ADAMTS12: variants seen among roughly 807,000 people sequenced by gnomAD.
ADAMTS12 encodes ADAM metallopeptidase with thrombospondin type 1 motif 12.
Under a neutral mutation model 167.8 loss-of-function variants are expected in ADAMTS12, and 118 were observed. The ratio of observed to expected loss-of-function variants is 0.70; its 90% CI spans 0.61 to 0.82. The LOEUF (loss-of-function observed/expected upper bound fraction) is 0.82. Ranked by LOEUF, ADAMTS12 falls within the 40% of genes least tolerant of loss-of-function variation. The pLI, the probability that ADAMTS12 is intolerant of heterozygous loss-of-function variation, is 0.00. For synonymous variants in ADAMTS12, 704 were observed against 716.9 expected, an observed-to-expected ratio of 0.98 and a Z score of 0.29; for missense variants, 1,916 against 1,998.8, an observed-to-expected ratio of 0.96 and a Z score of 0.79.
chr5:33,584,038 T>C (rs1288831331), intron 18 of ADAMTS12, among the ~76,000 whole-genome samples: 1 of 152,220 alleles, frequency 6.6e-6, no homozygotes, highest in African/African-American at 2.4e-5. Flanking sequence ...TGAGATGCAG[T>C]ATGGCAAAGT....
chr5:33,835,939 CTCTCTCTCTCTCTCTGTGTGTGTG>C (rs778645531), intron 2 of ADAMTS12, among the ~76,000 whole-genome samples: 14 of 56,130 alleles, frequency 2.5e-4, no homozygotes, highest in Admixed American at 7.9e-4. Flanking sequence ...CTCTCTCTCT[CTCTCTCTCTCTCTCTGTGTGTGTG>C]TGTGTGTCCA....
intron 10 of ADAMTS12, among the ~76,000 whole-genome samples, chr5:33,643,019 G>A (rs532120462): frequency 5.9e-5 from 9 of 152,220 alleles, no homozygotes; most frequent in South Asian, 2.1e-4. Context: ...AAAAGAAGCC[G>A]CTGGCTTATC....
At chr5:33,751,152 T>C in intron 3 of ADAMTS12, 1 of 506,670 alleles carries the variant, frequency 2.0e-6, no homozygotes, top group Non-Finnish European at 3.4e-6. Flanking sequence ...GTGGCAAAGA[T>C]GCTTTTATTT....
chr5:33,760,980 T>G (rs1745336062), intron 2 of ADAMTS12, among the ~76,000 whole-genome samples: 1 of 150,700 alleles, frequency 6.6e-6, no homozygotes, highest in Non-Finnish European at 1.5e-5. Context: ...CACCAAAAAA[T>G]AAAATGTCCG....
At chr5:33,832,794 T>C (rs1449060680) in intron 2 of ADAMTS12, among the ~76,000 whole-genome samples, 1 of 152,132 alleles carries the variant, frequency 6.6e-6, no homozygotes, top group Non-Finnish European at 1.5e-5. Context: ...TATATCAGTA[T>C]AAATATAAGG....
chr5:33,702,700 T>C (rs1262198878), intron 3 of ADAMTS12, among the ~76,000 whole-genome samples: 1 of 152,160 alleles, frequency 6.6e-6, no homozygotes, highest in Non-Finnish European at 1.5e-5. Flanking sequence ...CTGTGCATTT[T>C]TTTTCATTGA....
At chr5:33,766,638 T>A (rs1228265606) in intron 2 of ADAMTS12, among the ~76,000 whole-genome samples, 1 of 152,198 alleles carries the variant, frequency 6.6e-6, no homozygotes, top group Non-Finnish European at 1.5e-5. Context: ...TTTACAGCTT[T>A]TCTGTAATTT....
intron 2 of ADAMTS12, among the ~76,000 whole-genome samples, chr5:33,770,594 G>C (rs1745700176): frequency 6.6e-6 from 1 of 152,110 alleles, no homozygotes; most frequent in South Asian, 2.1e-4. Context: ...GAGAGAGCTT[G>C]TGTTGCTTTA....
Position 33,637,580 on chromosome 5 carries a change from G to T in ADAMTS12, c.1885C>A (p.Pro629Thr), listed in dbSNP as rs577499435. 3.7e-5 allele frequency: 59 copies of T among 1,612,700 alleles called. 3 individuals are homozygous for T. In the South Asian group the frequency reaches 6.2e-4, roughly 17 times the overall value. The part of the protein sequence containing the change: ...ELYHWFPIFN[P>T]AHPCELYCRP... Reference sequence around the variant, plus strand: ...ATACACCATTACAGCTCCTTACCTGGGTTAAAAATGGGAAACCAGTGGTAG... The same window carrying T: ...ATACACCATTACAGCTCCTTACCTGTGTTAAAAATGGGAAACCAGTGGTAG... Residue 629 changes from proline to threonine, a missense_variant, in exon 12 of 24, where the codon CCA becomes ACA. Pro to Thr is a conservative substitution (Grantham distance 38). Coordinates refer to ENST00000504830, the MANE Select transcript of ADAMTS12 (RefSeq NM_030955.4).
At chr5:33,817,381 TCTC>T (rs1416277988) in intron 2 of ADAMTS12, among the ~76,000 whole-genome samples, 1 of 152,134 alleles carries the variant, frequency 6.6e-6, no homozygotes, top group Non-Finnish European at 1.5e-5. Flanking sequence ...AGAATGGAAT[TCTC>T]CTCACCCTCT....
intron 19 of ADAMTS12, among the ~76,000 whole-genome samples, chr5:33,567,446 A>G (rs1370648126): frequency 6.6e-6 from 1 of 152,230 alleles, no homozygotes; most frequent in Non-Finnish European, 1.5e-5. Flanking sequence ...AGGCCTGCTT[A>G]TCTGCCCTTT....
At chr5:33,633,142 T>C (rs1170752215) in intron 12 of ADAMTS12, among the ~76,000 whole-genome samples, 2 of 150,876 alleles carry the variant, frequency 1.3e-5, no homozygotes. Context: ...TCATTTCTGT[T>C]TCATTCTACT....
At chr5:33,757,590 C>A (rs1745209826) in intron 2 of ADAMTS12, among the ~76,000 whole-genome samples, 1 of 152,202 alleles carries the variant, frequency 6.6e-6, no homozygotes, top group African/African-American at 2.4e-5. Flanking sequence ...CACAAGACCA[C>A]ATCCACTGGC....
At chr5:33,863,674 T>G (rs1473438887) in intron 2 of ADAMTS12, among the ~76,000 whole-genome samples, 1 of 152,182 alleles carries the variant, frequency 6.6e-6, no homozygotes, top group African/African-American at 2.4e-5. Flanking sequence ...AAGTTACCAT[T>G]GACTTTCTTC....
chr5:33,591,891 C>A (rs1747659474), intron 17 of ADAMTS12, among the ~76,000 whole-genome samples: 1 of 152,078 alleles, frequency 6.6e-6, no homozygotes, highest in African/African-American at 2.4e-5. Context: ...AAACCTCCTA[C>A]ATTGGCACTA....
chr5:33,667,340 G>C (rs967067276), intron 5 of ADAMTS12, among the ~76,000 whole-genome samples: 2 of 107,938 alleles, frequency 1.9e-5, no homozygotes, highest in Admixed American at 1.8e-4. Context: ...AAAAAAAAAA[G>C]ATTTCTCGCT....
intron 2 of ADAMTS12, among the ~76,000 whole-genome samples, chr5:33,798,030 G>C (rs1040514747): frequency 1.3e-5 from 2 of 152,110 alleles, no homozygotes; most frequent in African/African-American, 4.8e-5. Context: ...TCTTTCCTCA[G>C]CATCTTCAGT....
chr5:33,756,927 A>C (rs1015137826), intron 2 of ADAMTS12, among the ~76,000 whole-genome samples: 1 of 152,236 alleles, frequency 6.6e-6, no homozygotes, highest in Non-Finnish European at 1.5e-5. Flanking sequence ...CACTAACCCC[A>C]TGCAGCTGTT....
At chr5:33,791,067 G>C (rs1189404137) in intron 2 of ADAMTS12, among the ~76,000 whole-genome samples, 1 of 152,038 alleles carries the variant, frequency 6.6e-6, no homozygotes, top group African/African-American at 2.4e-5. Flanking sequence ...ACCACTCCAG[G>C]AGATGGAGGA....
Sources: allele counts gnomAD v4.1 joint callset (sites outside exome capture counted in the v4.1 genomes callset), GRCh38; gene constraint gnomAD v4.1.1; transcripts MANE v1.5; gene names NCBI Gene and HGNC (gene_info 2026-07-23, HGNC 2026-07-21).